Variants in FUT8 observed in about 807,000 individuals in gnomAD.
FUT8 encodes the protein fucosyltransferase 8, also known as alpha-(1,6)-fucosyltransferase.
A neutral mutation model predicts 71.3 loss-of-function variants in FUT8; 29 were observed. That is an observed-to-expected ratio of 0.41 (90% CI 0.30 to 0.55). The LOEUF is 0.55. FUT8 is among the 20% of genes least tolerant of loss of function. The probability of loss-of-function intolerance (pLI) is 0.34; values close to 1 mark genes in which losing one functional copy is unlikely to be tolerated. For missense variants in FUT8, 544 were observed against 702.1 expected, an observed-to-expected ratio of 0.77 and a Z score of 2.55; for synonymous variants, 254 against 239.3, an observed-to-expected ratio of 1.06 and a Z score of -0.57.
chr14:65,642,038 A>G (rs909209173), intron 6 of FUT8, among the ~76,000 whole-genome samples: 7 of 152,092 alleles, frequency 4.6e-5, no homozygotes, highest in African/African-American at 1.7e-4. Flanking sequence ...TTTAATTTTG[A>G]CAAAGTTCAG....
At chr14:65,423,901 C>CA (rs2065341076) in intron 1 of FUT8, among the ~76,000 whole-genome samples, 1 of 152,238 alleles carries the variant, frequency 6.6e-6, no homozygotes, top group Non-Finnish European at 1.5e-5. Context: ...GGTGTGCCTT[C>CA]AGCAATGGCT....
In FUT8 at chr14:65,534,840, A is replaced by G. The variant is rs140779400; in HGVS notation, c.-227-26497A>G. On this transcript the variant is annotated intron_variant, in intron 2 of 10. Coordinates refer to ENST00000673929, the MANE Select transcript of FUT8 (RefSeq NM_001371533.1). ...TCTTTATTAGTCTAGCTAGTGGTCT[A>G]TGAATCTTGTTAATTTTTTCAAAAA... is the stretch of plus-strand genomic sequence containing the variant. Among the ~76,000 whole-genome samples the G allele has an allele frequency of 1.3e-4, 19 of 151,338 alleles. No individual in the cohort carries two copies. The East Asian group carries it at 2.7e-3, about 22-fold the overall frequency.
chr14:65,577,505 A>C (rs1299789110), intron 3 of FUT8, among the ~76,000 whole-genome samples: 1 of 152,194 alleles, frequency 6.6e-6, no homozygotes, highest in Non-Finnish European at 1.5e-5. Context: ...AAAAAAATAG[A>C]AGATTTTTGT....
chr14:65,447,093 T>A lies in FUT8; in HGVS notation c.-325-8528T>A, dbSNP rs2065754003. Among the ~76,000 whole-genome samples, 4 of 152,084 alleles carry A rather than the reference T, an allele frequency of 2.6e-5. 1 individual carries two copies. The South Asian group carries it at 8.3e-4, about 32-fold the overall frequency. Reference sequence around the variant, plus strand: ...ATGTTGTAACCTTTCTTTATTTTCATGTTTTTCCCTTCTGGGTGGTGAAAT... The same window carrying A: ...ATGTTGTAACCTTTCTTTATTTTCAAGTTTTTCCCTTCTGGGTGGTGAAAT... On this transcript the variant is annotated intron_variant, in intron 1 of 10. Transcript: ENST00000673929.
chr14:65,468,149 T>C (rs1309944892), intron 2 of FUT8: 2 of 640,758 alleles, frequency 3.1e-6, no homozygotes, highest in Non-Finnish European at 5.8e-6. Flanking sequence ...TGGGTAACAC[T>C]GCAGACTCTT....
chr14:65,739,405 A>T (rs1269962738), intron 10 of FUT8, among the ~76,000 whole-genome samples: 1 of 152,098 alleles, frequency 6.6e-6, no homozygotes, highest in Non-Finnish European at 1.5e-5. Flanking sequence ...TCTGTTATCC[A>T]CCAAGGTTAA....
intron 2 of FUT8, among the ~76,000 whole-genome samples, chr14:65,552,295 T>C (rs1885334446): frequency 6.6e-6 from 1 of 152,162 alleles, no homozygotes; most frequent in African/African-American, 2.4e-5. Flanking sequence ...CACTGTAATA[T>C]TACCTATTGA....
At chr14:65,639,788 C>G (rs994425431) in intron 6 of FUT8, among the ~76,000 whole-genome samples, 2 of 152,092 alleles carry the variant, frequency 1.3e-5, no homozygotes, top group Non-Finnish European at 2.9e-5. Context: ...GTGCTACTTA[C>G]CATCTCTAGG....
chr14:65,592,089 C>T (rs1261262811), intron 3 of FUT8, among the ~76,000 whole-genome samples: 1 of 152,054 alleles, frequency 6.6e-6, no homozygotes, highest in South Asian at 2.1e-4. Flanking sequence ...GAAGATTTTT[C>T]TGCGACTTTG....
At chr14:65,651,513 A>G (rs963268454) in intron 6 of FUT8, among the ~76,000 whole-genome samples, 2 of 152,264 alleles carry the variant, frequency 1.3e-5, no homozygotes, top group South Asian at 2.1e-4. Context: ...TCATCATATC[A>G]AGAACCAAGA....
Position 65,607,875 on chromosome 14 carries a change from C to T in FUT8, c.204-8103C>T, listed in dbSNP as rs904607046. On this transcript the variant is annotated intron_variant, in intron 3 of 10. Coordinates refer to ENST00000673929, the MANE Select transcript of FUT8 (RefSeq NM_001371533.1). This position sits in a 1 kb window ranked among gnomAD's most constrained non-coding sequence, Gnocchi z 4.1. ...TCAGGAGATCGAGACCATTACTGGC[C>T]AACATGGTGAAACCCCGTCTCTACG... 4.0e-5 allele frequency among the ~76,000 whole-genome samples: 6 copies of T among 151,544 alleles called. No individual in the cohort carries two copies. The highest frequency in any genetic ancestry group is 1.5e-4 in the African/African-American group (6 of 41,316).
chr14:65,701,936 A>T (rs935510302), intron 7 of FUT8, among the ~76,000 whole-genome samples: 5 of 152,198 alleles, frequency 3.3e-5, no homozygotes, highest in Non-Finnish European at 7.3e-5. Context: ...AACTATGATA[A>T]TGGAGTGGGA....
At chr14:65,585,569 G>A (rs1887337201) in intron 3 of FUT8, among the ~76,000 whole-genome samples, 1 of 152,198 alleles carries the variant, frequency 6.6e-6, no homozygotes. Flanking sequence ...ACATAAACAT[G>A]TACTTCTAAA....
rs1594661410 is a variant in FUT8, at chr14:65,466,048, T to A, written c.-228+10330T>A. 2.0e-5 allele frequency among the ~76,000 whole-genome samples: 3 copies of A among 152,214 alleles called. No individual in the cohort carries two copies. The East Asian group carries it at 5.8e-4, about 29-fold the overall frequency. ...GGTAATGCCCCTCTATCACTGATAA[T>A]TTTTCTTGGCCTTAAGCTTGCTCTT... is the stretch of plus-strand genomic sequence containing the variant. On this transcript the variant is annotated intron_variant, in intron 2 of 10. Coordinates refer to ENST00000673929, the MANE Select transcript of FUT8 (RefSeq NM_001371533.1).
rs986618065 is a variant in FUT8 at position 65,439,980 on chromosome 14, A to G, written c.-325-15641A>G. Among the ~76,000 whole-genome samples, 269 of 138,776 alleles carry G rather than the reference A, an allele frequency of 1.9e-3. 8 individuals are homozygous for G. Among genetic ancestry groups the G allele is most frequent in the African/African-American group, 6.7e-3 (255 of 37,994 alleles). The allele number at this position is 138,776 out of a possible 152,430, so 91.0% of individuals were successfully genotyped here. ...TATATATATATATATATATATATAT[A>G]TATATATATATGTACACACACACAG... is the stretch of plus-strand genomic sequence containing the variant. On this transcript the variant is annotated intron_variant, in intron 1 of 10. Coordinates refer to ENST00000673929, the MANE Select transcript of FUT8 (RefSeq NM_001371533.1).
upstream of FUT8, chr14:65,412,328 C>T (rs961779864): frequency 6.1e-5 from 28 of 456,492 alleles, no homozygotes; most frequent in East Asian, 1.8e-3. Flanking sequence ...TTCAAAACCT[C>T]TAGTGCGGGT....
intron 2 of FUT8, among the ~76,000 whole-genome samples, chr14:65,542,806 G>A (rs1395876334): frequency 6.6e-6 from 1 of 151,830 alleles, no homozygotes; most frequent in Non-Finnish European, 1.5e-5. Context: ...TTTTGAGACG[G>A]AGTTTTGCTC....
Position 65,660,430 on chromosome 14 carries a change from A to G in FUT8, c.598-8813A>G, listed in dbSNP as rs2140348071. 6.6e-6 allele frequency among the ~76,000 whole-genome samples: 1 copy of G among 152,226 alleles called. No homozygotes were observed. Among genetic ancestry groups the G allele is most frequent in the East Asian group, 1.9e-4 (1 of 5,204 alleles). On this transcript the variant is annotated intron_variant, in intron 6 of 10. Transcript: ENST00000673929. This position sits in a 1 kb window ranked among gnomAD's most constrained non-coding sequence, Gnocchi z 4.1. ...GCTAAATGTGGCTTTACTTACCAAGATAAGCTTTCCTCTTCTATGACCATA... is the reference window on the plus strand; with the variant it reads ...GCTAAATGTGGCTTTACTTACCAAGGTAAGCTTTCCTCTTCTATGACCATA...
At chr14:65,701,818 A>C (rs1376581195) in intron 7 of FUT8, among the ~76,000 whole-genome samples, 3 of 152,204 alleles carry the variant, frequency 2.0e-5, no homozygotes, top group African/African-American at 7.2e-5. Flanking sequence ...ACCCATAGGA[A>C]CTTCTCTAGA....
Sources: gnomAD v4.1 joint callset for allele counts (sites outside exome capture counted in the v4.1 genomes callset) on GRCh38, gnomAD v4.1.1 for gene constraint, Gnocchi (gnomAD v3.1) non-coding constraint, MANE v1.5 for transcripts, NCBI Gene and HGNC (gene_info 2026-07-23, HGNC 2026-07-21) for gene names.